Variants in ENTPD5 observed in about 807,000 individuals in gnomAD.
The protein encoded by ENTPD5 is nucleoside diphosphate phosphatase ENTPD5.
A neutral mutation model predicts 60.2 loss-of-function variants in ENTPD5; 49 were observed. The ratio of observed to expected loss-of-function variants is 0.81; its 90% confidence interval spans 0.65 to 1.03. The LOEUF is 1.03. Ranked by LOEUF, ENTPD5 falls within the 50% of genes least tolerant of loss-of-function variation. ENTPD5 has a pLI of 0.00. For missense variants in ENTPD5, 480 were observed against 507.6 expected (o/e 0.95, Z 0.52); for synonymous variants, 187 against 185.4 (o/e 1.01, Z -0.07).
chr14:73,994,607 C>T (rs188401027), intron 3 of ENTPD5, among the ~76,000 whole-genome samples: 83 of 151,844 alleles, frequency 5.5e-4, no homozygotes, highest in Admixed American at 5.4e-3. Context: ...GTGGCAGGCA[C>T]CTGTAATCCC....
chr14:73,961,020 G>C (rs1482549612), downstream of ENTPD5: 1 of 868,748 alleles, frequency 1.2e-6, no homozygotes, highest in Admixed American at 2.0e-5. Context: ...AAGTTGCTTT[G>C]CACTTGAGGG....
chr14:73,981,810 A>C (rs1404141727), intron 6 of ENTPD5, among the ~76,000 whole-genome samples: 2 of 110,506 alleles, frequency 1.8e-5, no homozygotes, highest in Non-Finnish European at 4.1e-5. Context: ...CTGTTTCCAA[A>C]AAAAAAAAAA....
intron 1 of ENTPD5, among the ~76,000 whole-genome samples, chr14:74,017,509 T>C (rs1594974319): frequency 7.3e-6 from 1 of 136,372 alleles, no homozygotes; most frequent in South Asian, 2.3e-4. Context: ...AACTGGGAGG[T>C]GGAGGTTGCG....
At chr14:73,960,908 G>A (rs912913458), downstream of ENTPD5, 1 of 559,096 alleles carries the variant, frequency 1.8e-6, no homozygotes, top group Non-Finnish European at 3.2e-6. Flanking sequence ...CTGGTGCGTG[G>A]TTATTGAGGG....
downstream of ENTPD5, chr14:73,961,274 G>GC: frequency 6.2e-7 from 1 of 1,614,158 alleles, no homozygotes; most frequent in Non-Finnish European, 8.5e-7. Flanking sequence ...CTCGCCAGCT[G>GC]CCCCCAAGCG....
At chr14:73,961,583 A>G (rs7141392), downstream of ENTPD5, 1,416,927 of 1,613,424 alleles carry the variant, frequency 0.88, 623,256 homozygotes, top group East Asian at 0.95. Context: ...AAGGATTCAG[A>G]TACTATGGGG....
chr14:74,010,859 A>T (rs1030672420), intron 3 of ENTPD5, among the ~76,000 whole-genome samples: 4 of 152,160 alleles, frequency 2.6e-5, no homozygotes, highest in Non-Finnish European at 5.9e-5. Flanking sequence ...TTTTCTTTTT[A>T]AATCTGTTGT....
At chr14:73,971,086 A>C (rs182820646) in intron 14 of ENTPD5, among the ~76,000 whole-genome samples, 380 of 152,048 alleles carry the variant, frequency 2.5e-3, no homozygotes, top group Non-Finnish European at 4.4e-3. Context: ...CACTATTTCA[A>C]TTTAAAAAAG....
rs116402292 is a variant in ENTPD5 at position 74,018,240 on chromosome 14, G to A, written c.-238+1010C>T. Among the ~76,000 whole-genome samples, 1,047 of 151,654 alleles carry A rather than the reference G, an allele frequency of 6.9e-3. 14 individuals carry two copies. The highest frequency in any genetic ancestry group is 0.024 in the African/African-American group (1,008 of 41,368). The stretch of plus-strand genomic sequence containing the variant: ...ACCAAATCGGCATGTTCCCTCAGAA[G>A]AAACAGAAATTCAGAAACAGAAACT... On this transcript the variant is annotated intron_variant, in intron 1 of 15. Coordinates refer to ENST00000334696, the MANE Select transcript of ENTPD5 (RefSeq NM_001249.5).
rs568349920 is a variant in ENTPD5, at chr14:73,972,260, G to T, written c.1028-352C>A. ...GTGGTGGCAGGCACCTGTAATCCCA[G>T]CTACTCAGGAGACTGGGGCAGGAGA... is the stretch of plus-strand genomic sequence containing the variant. On this transcript the variant is annotated intron_variant, in intron 13 of 15. Coordinates refer to ENST00000334696, the MANE Select transcript of ENTPD5 (RefSeq NM_001249.5). Among the ~76,000 whole-genome samples, 6 of 152,214 alleles carry T rather than the reference G, an allele frequency of 3.9e-5. No individual in the cohort carries two copies. The East Asian group carries it at 1.2e-3, about 29-fold the overall frequency.
chr14:73,970,055 G>C lies in ENTPD5; in HGVS notation c.1155C>G (p.Ala385=). The part of the protein sequence containing the change: ...FLCMDLSYIT[A]LLKDGFGFAD... ...CAAAGCCAAAGCCATCCTTTAACAG[G>C]GCTGTGATGTAGCTGAGATCCATGC... The change falls in exon 15 of 16, where the codon GCC becomes GCG. Residue 385 remains alanine (A), a synonymous_variant. Transcript: ENST00000334696. 2 of 1,613,978 alleles carry C rather than the reference G, an allele frequency of 1.2e-6. No homozygotes were observed. The highest frequency in any genetic ancestry group is 1.7e-6 in the Non-Finnish European group (2 of 1,179,912).
Position 73,970,003 on chromosome 14 carries a change from C to T in ENTPD5, c.1200+7G>A, listed in dbSNP as rs1594842194. On this transcript the variant is annotated splice_region_variant and intron_variant, in intron 15 of 15. Coordinates refer to ENST00000334696, the MANE Select transcript of ENTPD5 (RefSeq NM_001249.5). ...CTGTTATGAGACTCTGGTGTCCTGT[C>T]TCTTACCTGTAAGACTGTGCTGTCT... 2 of 1,601,564 alleles carry T rather than the reference C, an allele frequency of 1.2e-6. No individual in the cohort carries two copies. Among genetic ancestry groups the T allele is most frequent in the Non-Finnish European group, 1.7e-6 (2 of 1,168,644 alleles).
At chr14:73,957,562 T>C (rs62006131), downstream of ENTPD5, among the ~76,000 whole-genome samples, 61,366 of 152,008 alleles carry the variant, frequency 0.4, 13,430 homozygotes, top group South Asian at 0.5. Context: ...CTCAGCCTCC[T>C]GACTAACTGG....
Position 73,964,521 on chromosome 14 carries a change from G to C in ENTPD5, c.*2407C>G, listed in dbSNP as rs978378491. 14 of 152,198 alleles carry C rather than the reference G, an allele frequency of 9.2e-5. No individual in the cohort carries two copies. The highest frequency in any genetic ancestry group is 3.1e-4 in the African/African-American group (13 of 41,466). 9.4% of individuals were successfully genotyped at this position (152,198 alleles called of 1,614,324 possible). On this transcript the variant is annotated 3_prime_UTR_variant, in exon 16 of 16. Transcript: ENST00000334696. The stretch of plus-strand genomic sequence containing the variant: ...TTGGGATGACCAAAGGAGTCTGCTG[G>C]ACAGTATGTGTGTTTTACAAAATGG...
At chr14:73,958,131 C>T (rs1566687533), downstream of ENTPD5, 1 of 1,612,296 alleles carries the variant, frequency 6.2e-7, no homozygotes, top group South Asian at 1.1e-5. Flanking sequence ...TTTTTCCTCT[C>T]TTTTGACCTC....
At chr14:73,958,943 G>A (rs1446498711), downstream of ENTPD5, 8 of 1,612,706 alleles carry the variant, frequency 5.0e-6, no homozygotes, top group Middle Eastern at 2.0e-4. Context: ...GAGGCTGGAA[G>A]ACTTAGCAGG....
At chr14:73,982,977 G>A in intron 6 of ENTPD5, 41 bp downstream of exon 6, 1 of 1,595,856 alleles carries the variant, frequency 6.3e-7, no homozygotes, top group African/African-American at 1.3e-5. Context: ...TTCATATAGG[G>A]AAAAGGGCAG....
intron 13 of ENTPD5, among the ~76,000 whole-genome samples, chr14:73,972,679 T>TA (rs11320515): frequency 4.5e-4 from 68 of 150,428 alleles, no homozygotes; most frequent in African/African-American, 1.6e-3. Flanking sequence ...ATAAACATGT[T>TA]AAAAAAAAAA....
rs1362150020 is a variant in ENTPD5 at position 73,997,243 on chromosome 14, C to T, written c.-70-9071G>A. On this transcript the variant is annotated intron_variant, in intron 3 of 15. Coordinates refer to ENST00000334696, the MANE Select transcript of ENTPD5 (RefSeq NM_001249.5). ...AGACAGCCAGAGTGAGGGAAAATGGCTCTGGAAGCAGAGAATCAGATTTCA... is the reference window on the plus strand; with the variant it reads ...AGACAGCCAGAGTGAGGGAAAATGGTTCTGGAAGCAGAGAATCAGATTTCA... 2.0e-5 allele frequency among the ~76,000 whole-genome samples: 3 copies of T among 152,258 alleles called. No homozygotes were observed. In the East Asian group the frequency reaches 5.8e-4, roughly 29 times the overall value.
Sources: allele counts gnomAD v4.1 joint callset (sites outside exome capture counted in the v4.1 genomes callset), GRCh38; gene constraint gnomAD v4.1.1; transcripts MANE v1.5; gene names NCBI Gene and HGNC (gene_info 2026-07-23, HGNC 2026-07-21).